Variants in NYAP2 observed in about 807,000 individuals in gnomAD.
The protein encoded by NYAP2 is neuronal tyrosine-phosphorylated phosphoinositide-3-kinase adaptor 2.
Under a neutral mutation model 50.4 loss-of-function variants are expected in NYAP2, and 23 were observed. The observed-to-expected ratio is 0.46, with a 90% CI of 0.33 to 0.65. NYAP2 has a LOEUF of 0.65. Among genes scored for constraint, NYAP2 ranks in the 30% least tolerant of loss-of-function variants. NYAP2 has a pLI of 0.02. For missense variants in NYAP2, 885 were observed against 861.0 expected, an observed-to-expected ratio of 1.03 and a Z score of -0.35; for synonymous variants, 394 against 365.2, an observed-to-expected ratio of 1.08 and a Z score of -0.90.
chr2:225,588,153 TGAC>T (rs1188333608), intron 5 of NYAP2, among the ~76,000 whole-genome samples: 1 of 152,202 alleles, frequency 6.6e-6, no homozygotes, highest in African/African-American at 2.4e-5. Flanking sequence ...CTCGAACTCC[TGAC>T]CTCAGGTTAT....
At chr2:225,643,333 C>T (rs1276942124) in intron 6 of NYAP2, among the ~76,000 whole-genome samples, 1 of 152,128 alleles carries the variant, frequency 6.6e-6, no homozygotes, top group Non-Finnish European at 1.5e-5. Flanking sequence ...GTTCCTTGTG[C>T]TTAAACATGG....
chr2:225,501,524 G>A (rs932291754), intron 3 of NYAP2, among the ~76,000 whole-genome samples: 1 of 152,140 alleles, frequency 6.6e-6, no homozygotes, highest in South Asian at 2.1e-4. Flanking sequence ...AATGTGCCTG[G>A]GGTCACAAAA....
intron 6 of NYAP2, among the ~76,000 whole-genome samples, chr2:225,637,090 T>C (rs1178560972): frequency 2.6e-5 from 4 of 152,158 alleles, no homozygotes; most frequent in Non-Finnish European, 4.4e-5. Flanking sequence ...TATTAGGTAA[T>C]AGTATAGTAG....
intron 4 of NYAP2, among the ~76,000 whole-genome samples, chr2:225,560,211 G>T (rs1382478113): frequency 2.0e-5 from 3 of 151,932 alleles, no homozygotes; most frequent in Admixed American, 2.0e-4. Context: ...TTTTGTAAAT[G>T]TTGACCATTT....
At chr2:225,630,399 A>G (rs1250790989) in intron 6 of NYAP2, among the ~76,000 whole-genome samples, 1 of 152,148 alleles carries the variant, frequency 6.6e-6, no homozygotes, top group Non-Finnish European at 1.5e-5. Flanking sequence ...GCTACCCTTG[A>G]TGATTGTTTT....
At chr2:225,418,473 T>A (rs1265399030) in intron 3 of NYAP2, among the ~76,000 whole-genome samples, 1 of 152,080 alleles carries the variant, frequency 6.6e-6, no homozygotes, top group Non-Finnish European at 1.5e-5. Context: ...AGAGCAGCAG[T>A]CCTGGAGGAG....
intron 3 of NYAP2, among the ~76,000 whole-genome samples, chr2:225,464,641 A>G (rs1415876580): frequency 1.3e-5 from 2 of 152,214 alleles, no homozygotes; most frequent in Non-Finnish European, 2.9e-5. Context: ...GAGAAGCTAA[A>G]CAATTGTTAA....
At chr2:225,516,550 T>G (rs1038251987) in intron 4 of NYAP2, among the ~76,000 whole-genome samples, 1 of 151,982 alleles carries the variant, frequency 6.6e-6, no homozygotes, top group Non-Finnish European at 1.5e-5. Context: ...TTTTTTTTTC[T>G]CTTCAGAACA....
At position 225,563,410 on chromosome 2, in the gene NYAP2, C is replaced by A. The variant is rs552110273; in HGVS notation, c.524-18531C>A. On this transcript the variant is annotated intron_variant, in intron 4 of 6. Coordinates refer to ENST00000636099, the Ensembl canonical transcript of NYAP2. ...CCTGGTGTTGGGAAATCACTTTTTT[C>A]GTCTGAATCACTGAAAGAGAAGCCT... Among the ~76,000 whole-genome samples the A allele has an allele frequency of 2.0e-5, 3 of 152,070 alleles. No homozygotes were observed. The South Asian group carries it at 6.2e-4, about 32-fold the overall frequency.
chr2:225,407,882 T>C (rs1694967887), intron 2 of NYAP2, among the ~76,000 whole-genome samples: 1 of 151,886 alleles, frequency 6.6e-6, no homozygotes. Context: ...TAGCCACACA[T>C]ATCCATTTGA....
At chr2:225,436,351 G>A (rs1689376947) in intron 3 of NYAP2, among the ~76,000 whole-genome samples, 1 of 152,140 alleles carries the variant, frequency 6.6e-6, no homozygotes, top group African/African-American at 2.4e-5. Flanking sequence ...TTGTCCCTGG[G>A]GTTTGTGAGG....
At chr2:225,556,165 G>A (rs1412110810) in intron 4 of NYAP2, among the ~76,000 whole-genome samples, 6 of 152,108 alleles carry the variant, frequency 3.9e-5, no homozygotes, top group Admixed American at 3.9e-4. Flanking sequence ...TACCATATTG[G>A]AAAGCTTGCT....
At chr2:225,541,530 C>T (rs1002901310) in intron 4 of NYAP2, among the ~76,000 whole-genome samples, 1 of 152,116 alleles carries the variant, frequency 6.6e-6, no homozygotes, top group Admixed American at 6.5e-5. Flanking sequence ...TTTCCAAGCA[C>T]CTTTTATTGA....
chr2:225,481,076 G>A (rs1271526055), intron 3 of NYAP2, among the ~76,000 whole-genome samples: 1 of 152,024 alleles, frequency 6.6e-6, no homozygotes, highest in African/African-American at 2.4e-5. Flanking sequence ...TGTGTTCCAT[G>A]AAATCAAAGG....
chr2:225,662,914 T>C, the NYAP2 span, among the ~76,000 whole-genome samples: 1 of 152,344 alleles, frequency 6.6e-6, no homozygotes, highest in South Asian at 2.1e-4. Flanking sequence ...CAAACACTCA[T>C]ATCCGACGAT....
At chr2:225,663,002 C>T in the NYAP2 span, among the ~76,000 whole-genome samples, 1 of 152,266 alleles carries the variant, frequency 6.6e-6, no homozygotes, top group African/African-American at 2.4e-5. Context: ...AATACAAAAG[C>T]ACACTTTAGA....
Position 225,627,438 on chromosome 2 carries a change from G to A in NYAP2, c.1828+312G>A, listed in dbSNP as rs185176110. Among the ~76,000 whole-genome samples the A allele has an allele frequency of 1.9e-4, 29 of 152,298 alleles. 1 individual carries two copies. The East Asian group carries it at 5.2e-3, about 27-fold the overall frequency. On this transcript the variant is annotated intron_variant, in intron 6 of 6. Transcript: ENST00000636099. ...ATATCTAGAGGCCTCATCTAAAGCA[G>A]TTTTAACTTGCGAAGTTTGAGTAAT...
intron 3 of NYAP2, among the ~76,000 whole-genome samples, chr2:225,506,977 G>T (rs1220324339): frequency 1.3e-5 from 2 of 151,974 alleles, no homozygotes; most frequent in Non-Finnish European, 2.9e-5. Flanking sequence ...AAATACACTG[G>T]AGTATGAATC....
intron 5 of NYAP2, among the ~76,000 whole-genome samples, chr2:225,601,123 GTTTT>G (rs71410364): frequency 2.2e-5 from 3 of 136,898 alleles, no homozygotes; most frequent in African/African-American, 2.7e-5. Flanking sequence ...CTGTGTTTAA[GTTTT>G]TTTTTTTTTT....
Sources: allele counts gnomAD v4.1 joint callset (sites outside exome capture counted in the v4.1 genomes callset), GRCh38; gene constraint gnomAD v4.1.1; transcripts MANE v1.5; gene names NCBI Gene and HGNC (gene_info 2026-07-23, HGNC 2026-07-21).